PTPRM: variants seen among roughly 807,000 people sequenced by gnomAD.
PTPRM encodes protein tyrosine phosphatase receptor type M.
A neutral mutation model predicts 186.7 loss-of-function variants in PTPRM; 47 were observed. The observed-to-expected ratio is 0.25, with a 90% CI of 0.20 to 0.32. PTPRM has a LOEUF of 0.32. Among genes scored for constraint, PTPRM ranks in the 10% least tolerant of loss-of-function variants. PTPRM has a pLI of 1.00. For missense variants in PTPRM, 1,494 were observed against 1,865.0 expected (o/e 0.80, Z 3.66); for synonymous variants, 668 against 674.9 (o/e 0.99, Z 0.16).
intron 14 of PTPRM, among the ~76,000 whole-genome samples, chr18:8,211,226 AT>A (rs2093999412): frequency 6.6e-6 from 1 of 152,052 alleles, no homozygotes. Context: ...AATAGAGAGA[AT>A]TGCTAGGGCG....
chr18:7,733,515 T>C (rs888839041), intron 1 of PTPRM, among the ~76,000 whole-genome samples: 1 of 152,194 alleles, frequency 6.6e-6, no homozygotes. Flanking sequence ...CTCCAAGTCT[T>C]TGCTATTGTA....
intron 3 of PTPRM, among the ~76,000 whole-genome samples, chr18:7,889,512 T>A (rs1368941931): frequency 6.6e-6 from 1 of 151,620 alleles, no homozygotes; most frequent in Non-Finnish European, 1.5e-5. Flanking sequence ...ATTTTTTATA[T>A]TTTTTTTGTA....
chr18:7,791,128 T>C (rs929646294), intron 2 of PTPRM, among the ~76,000 whole-genome samples: 2 of 152,222 alleles, frequency 1.3e-5, no homozygotes, highest in Admixed American at 1.3e-4. Context: ...TTACTTACCT[T>C]TTATGCCATT....
intron 7 of PTPRM, among the ~76,000 whole-genome samples, chr18:8,023,582 CAAAT>C (rs747505162): frequency 2.0e-5 from 3 of 152,070 alleles, no homozygotes; most frequent in Non-Finnish European, 4.4e-5. Context: ...AATTGGTACA[CAAAT>C]AGTTTTAGAG....
At chr18:7,727,640 G>T (rs1256417913) in intron 1 of PTPRM, among the ~76,000 whole-genome samples, 1 of 152,162 alleles carries the variant, frequency 6.6e-6, no homozygotes, top group Non-Finnish European at 1.5e-5. Context: ...GAAATAAACA[G>T]CCAAATTATC....
At chr18:8,099,649 G>T (rs1455442032) in intron 11 of PTPRM, among the ~76,000 whole-genome samples, 1 of 152,164 alleles carries the variant, frequency 6.6e-6, no homozygotes, top group Non-Finnish European at 1.5e-5. Flanking sequence ...ATTTTGAATG[G>T]AGCAGGCTGT....
At chr18:7,793,293 G>T (rs1183220909) in intron 2 of PTPRM, among the ~76,000 whole-genome samples, 1 of 152,108 alleles carries the variant, frequency 6.6e-6, no homozygotes, top group Non-Finnish European at 1.5e-5. Context: ...CTGAGCCTCG[G>T]TTTATTCGTC....
chr18:8,063,475 C>T (rs1324600134), intron 7 of PTPRM, among the ~76,000 whole-genome samples: 2 of 152,170 alleles, frequency 1.3e-5, no homozygotes, highest in Non-Finnish European at 2.9e-5. Context: ...CATTGTGACA[C>T]TTCTAACCTT....
At chr18:8,214,191 T>A in intron 14 of PTPRM, among the ~76,000 whole-genome samples, 1 of 152,152 alleles carries the variant, frequency 6.6e-6, no homozygotes, top group East Asian at 1.9e-4. Context: ...TGCACTAATA[T>A]CCCAGACTTC....
intron 7 of PTPRM, among the ~76,000 whole-genome samples, chr18:8,008,356 C>A (rs764666627): frequency 2.0e-5 from 3 of 152,066 alleles, no homozygotes; most frequent in Admixed American, 6.6e-5. Flanking sequence ...TAAAGGCTGA[C>A]GAAGAAGGTC....
chr18:8,009,427 T>A (rs948320027), intron 7 of PTPRM, among the ~76,000 whole-genome samples: 6 of 152,146 alleles, frequency 3.9e-5, no homozygotes, highest in African/African-American at 1.4e-4. Context: ...TGAATCACTT[T>A]GGCCGAGCGC....
rs571454839 is a variant in PTPRM, at chr18:8,396,368, C to CA, written c.4344+1765dup. On this transcript the variant is annotated intron_variant, in intron 32 of 32. Transcript: ENST00000580170. ...GTACTTGGGCACAGCTGACCTTGATCAAAAAAAATGTCACTTCCCTCTCAC... is the reference window on the plus strand; with the variant it reads ...GTACTTGGGCACAGCTGACCTTGATCAAAAAAAAATGTCACTTCCCTCTCAC... 6.5e-3 allele frequency among the ~76,000 whole-genome samples: 982 copies of CA among 151,964 alleles called. 8 individuals carry two copies. The highest frequency in any genetic ancestry group is 9.9e-3 in the Non-Finnish European group (674 of 67,924).
chr18:7,810,422 T>A (rs1476466465), intron 2 of PTPRM, among the ~76,000 whole-genome samples: 2 of 152,238 alleles, frequency 1.3e-5, no homozygotes, highest in Non-Finnish European at 2.9e-5. Flanking sequence ...AAGTACATAG[T>A]TTTCCTTAAG....
At chr18:8,362,106 G>A (rs1236971749) in intron 23 of PTPRM, among the ~76,000 whole-genome samples, 1 of 152,082 alleles carries the variant, frequency 6.6e-6, no homozygotes, top group Admixed American at 6.5e-5. Context: ...CTCTTCTCAA[G>A]CAGTGTGAAG....
At chr18:7,577,768 C>CTGTG (rs753573904) in intron 1 of PTPRM, among the ~76,000 whole-genome samples, 1 of 151,148 alleles carries the variant, frequency 6.6e-6, no homozygotes, top group South Asian at 2.1e-4. Context: ...GCATTGTGTT[C>CTGTG]TGTGTGTGTG....
At chr18:8,380,149 T>G in intron 28 of PTPRM, 147 bp from the exon 29 acceptor site, 1 of 777,674 alleles carries the variant, frequency 1.3e-6, no homozygotes, top group Non-Finnish European at 2.0e-6. Context: ...TTAGTCTATG[T>G]TGGTGCTGAC....
chr18:7,898,062 A>C (rs114043108), intron 3 of PTPRM, among the ~76,000 whole-genome samples: 2,235 of 152,266 alleles, frequency 0.015, 42 homozygotes, highest in African/African-American at 0.051. Context: ...TACAAACACA[A>C]ATGCTTGAAT....
chr18:7,728,086 T>G (rs1324173766), intron 1 of PTPRM, among the ~76,000 whole-genome samples: 1 of 152,230 alleles, frequency 6.6e-6, no homozygotes, highest in African/African-American at 2.4e-5. Context: ...CCCAAGTTCT[T>G]CAAGTTTTAC....
intron 7 of PTPRM, among the ~76,000 whole-genome samples, chr18:7,972,479 TA>T (rs11445031): frequency 0.029 from 1,289 of 44,326 alleles, 30 homozygotes; most frequent in African/African-American, 0.097. Flanking sequence ...AAAAAAACAT[TA>T]AAAAAAAAAA....
Sources: gnomAD v4.1 joint callset for allele counts (sites outside exome capture counted in the v4.1 genomes callset) on GRCh38, gnomAD v4.1.1 for gene constraint, MANE v1.5 for transcripts, NCBI Gene and HGNC (gene_info 2026-07-23, HGNC 2026-07-21) for gene names.